Variants in RBFOX1 observed in about 807,000 individuals in gnomAD.
RBFOX1 encodes the protein RNA binding fox-1 homolog 1.
RBFOX1 carries 8 observed loss-of-function variants against 57.7 expected under a neutral mutation model. The observed-to-expected ratio is 0.14, with a 90% CI of 0.08 to 0.25. The LOEUF is 0.25. Among genes scored for constraint, RBFOX1 ranks in the 10% least tolerant of loss-of-function variants. The probability of loss-of-function intolerance (pLI) is 1.00; values close to 1 mark genes in which losing one functional copy is unlikely to be tolerated. For synonymous variants in RBFOX1, 326 were observed against 222.4 expected (o/e 1.47, Z -4.15); for missense variants, 611 against 548.5 (o/e 1.11, Z -1.14).
intron 4 of RBFOX1, among the ~76,000 whole-genome samples, chr16:7,323,647 A>T (rs1220662615): frequency 6.6e-6 from 1 of 152,208 alleles, no homozygotes; most frequent in Non-Finnish European, 1.5e-5. Context: ...TCTTGTTACT[A>T]ATGTACTAGA....
At chr16:6,441,035 G>C (rs538248437) in intron 2 of RBFOX1, among the ~76,000 whole-genome samples, 4 of 152,232 alleles carry the variant, frequency 2.6e-5, no homozygotes, top group East Asian at 1.9e-4. Context: ...AGAAAGACAA[G>C]GGAGACCAGG....
chr16:5,735,321 A>G (rs1380393338), intron 3 of RBFOX1, among the ~76,000 whole-genome samples: 1 of 152,232 alleles, frequency 6.6e-6, no homozygotes, highest in Non-Finnish European at 1.5e-5. Flanking sequence ...TAGTTCTGAA[A>G]TGACAGAACA....
chr16:5,333,209 A>G (rs966696842), intron 1 of RBFOX1, among the ~76,000 whole-genome samples: 3 of 146,682 alleles, frequency 2.0e-5, no homozygotes, highest in Non-Finnish European at 4.5e-5. Context: ...AAAAAACCAA[A>G]CTACACTAGA....
At chr16:7,493,889 G>A (rs1223981349) in intron 4 of RBFOX1, among the ~76,000 whole-genome samples, 1 of 152,132 alleles carries the variant, frequency 6.6e-6, no homozygotes, top group Non-Finnish European at 1.5e-5. Flanking sequence ...CATCATTATC[G>A]TCATCTCAGT....
chr16:5,346,641 T>C (rs116790169), intron 1 of RBFOX1, among the ~76,000 whole-genome samples: 2 of 152,210 alleles, frequency 1.3e-5, no homozygotes, highest in Admixed American at 1.3e-4. Flanking sequence ...GAATTTTCAG[T>C]GCAATACAGG....
chr16:7,596,902 T>C (rs908933289), intron 8 of RBFOX1, among the ~76,000 whole-genome samples: 1 of 152,206 alleles, frequency 6.6e-6, no homozygotes, highest in Admixed American at 6.5e-5. Flanking sequence ...GATGGTTCTT[T>C]CCTCCTAAAG....
rs140258223 is a variant in RBFOX1, at chr16:6,295,274, C to T, written c.-126-21721C>T. On this transcript the variant is annotated intron_variant, in intron 1 of 15. Transcript: ENST00000550418. Reference sequence around the variant, plus strand: ...AAGTAGCTGGGATTACAGGCATGCACCACCACACCCAGCAAATTGTTTTGT... The same window carrying T: ...AAGTAGCTGGGATTACAGGCATGCATCACCACACCCAGCAAATTGTTTTGT... Among the ~76,000 whole-genome samples, 892 of 152,220 alleles carry T rather than the reference C, an allele frequency of 5.9e-3. 12 individuals carry two copies. The highest frequency in any genetic ancestry group is 0.02 in the African/African-American group (847 of 41,514).
intron 2 of RBFOX1, among the ~76,000 whole-genome samples, chr16:6,453,601 G>T (rs2094688643): frequency 6.6e-6 from 1 of 152,172 alleles, no homozygotes; most frequent in South Asian, 2.1e-4. Flanking sequence ...TCTACCAGAG[G>T]TGCGAAGAGG....
intron 3 of RBFOX1, among the ~76,000 whole-genome samples, chr16:5,667,339 A>G (rs954966346): frequency 6.6e-6 from 1 of 152,254 alleles, no homozygotes; most frequent in African/African-American, 2.4e-5. Context: ...CCTGAGAACA[A>G]CTTTGGCTGT....
At chr16:6,595,135 C>A (rs2097764359) in intron 2 of RBFOX1, among the ~76,000 whole-genome samples, 1 of 152,164 alleles carries the variant, frequency 6.6e-6, no homozygotes, top group Non-Finnish European at 1.5e-5. Context: ...ATCAACACAC[C>A]ATCAGCGCAT....
At chr16:6,810,447 C>A (rs781601460) in intron 3 of RBFOX1, among the ~76,000 whole-genome samples, 2 of 152,018 alleles carry the variant, frequency 1.3e-5, no homozygotes, top group Non-Finnish European at 2.9e-5. Flanking sequence ...AAAAAGATGG[C>A]GACACAAAGG....
At chr16:7,522,864 A>G (rs181133993) in intron 5 of RBFOX1, among the ~76,000 whole-genome samples, 299 of 152,326 alleles carry the variant, frequency 2.0e-3, no homozygotes, top group African/African-American at 6.9e-3. Context: ...TAAACTGTAT[A>G]TATTTAAAGT....
intron 1 of RBFOX1, among the ~76,000 whole-genome samples, chr16:6,286,729 G>A (rs1302218601): frequency 6.6e-6 from 1 of 152,114 alleles, no homozygotes; most frequent in Non-Finnish European, 1.5e-5. Context: ...ACAGGATACT[G>A]CACAGGCTCA....
intron 5 of RBFOX1, among the ~76,000 whole-genome samples, chr16:7,534,848 C>G (rs926154775): frequency 2.0e-5 from 3 of 152,076 alleles, no homozygotes; most frequent in Non-Finnish European, 4.4e-5. Flanking sequence ...ACTTGCCCCG[C>G]TATGTGTGTG....
chr16:7,487,977 C>A lies in RBFOX1; in HGVS notation c.28-30170C>A, dbSNP rs1434003008. On this transcript the variant is annotated intron_variant, in intron 4 of 15. Coordinates refer to ENST00000550418, the MANE Select transcript of RBFOX1 (RefSeq NM_018723.4). ...GATTTTTTTTTCCAGGGCCTCTTTT[C>A]TAATTAACTCTGGAGCGTAGATTAC... 2.6e-5 allele frequency among the ~76,000 whole-genome samples: 4 copies of A among 152,160 alleles called. No individual in the cohort carries two copies. In the East Asian group the frequency reaches 7.7e-4, roughly 29 times the overall value.
chr16:7,305,060 A>G (rs954035486), intron 4 of RBFOX1, among the ~76,000 whole-genome samples: 2 of 150,368 alleles, frequency 1.3e-5, no homozygotes, highest in East Asian at 2.0e-4. Flanking sequence ...CTCACTGGCA[A>G]TGCTGTGAAG....
intron 1 of RBFOX1, among the ~76,000 whole-genome samples, chr16:5,375,765 A>AT (rs1291458986): frequency 1.3e-5 from 2 of 152,268 alleles, no homozygotes; most frequent in African/African-American, 4.8e-5. Context: ...TGCCAGCTGC[A>AT]GTGCGTTCGT....
chr16:6,717,078 T>C (rs1457065407), intron 3 of RBFOX1, among the ~76,000 whole-genome samples: 1 of 152,170 alleles, frequency 6.6e-6, no homozygotes, highest in East Asian at 1.9e-4. Flanking sequence ...AAGAGTTCCC[T>C]TCCCACACAC....
rs1567358656 is a variant in RBFOX1, at chr16:5,658,780, A to ATATAAAATATATG, written c.318+59820_318+59821insATAAAATATATGT. 4.4e-5 allele frequency among the ~76,000 whole-genome samples: 6 copies of ATATAAAATATATG among 136,412 alleles called. No individual in the cohort carries two copies. The East Asian group carries it at 1.2e-3, about 27-fold the overall frequency. 89.5% of individuals were successfully genotyped at this position (136,412 alleles called of 152,430 possible). A position where few individuals can be genotyped will look rare whatever the true frequency, so the allele number is the denominator to read the frequency against. On this transcript the variant is annotated intron_variant, in intron 3 of 19. Coordinates refer to the RBFOX1 transcript ENST00000641259. ...TATATGTGTATGTATATATGTATAT[A>ATATAAAATATATG]TGTATATATATAATATATGTGTATA...
Sources: gnomAD v4.1 joint callset for allele counts (sites outside exome capture counted in the v4.1 genomes callset) on GRCh38, gnomAD v4.1.1 for gene constraint, MANE v1.5 for transcripts, NCBI Gene and HGNC (gene_info 2026-07-23, HGNC 2026-07-21) for gene names.